The following RPS6KA2 variants were observed in gnomAD, a reference collection of about 807,000 sequenced individuals.
RPS6KA2 encodes ribosomal protein S6 kinase A2.
A neutral mutation model predicts 91.8 loss-of-function variants in RPS6KA2; 42 were observed. That is an observed-to-expected ratio of 0.46 (90% CI 0.36 to 0.59). RPS6KA2 has a LOEUF of 0.59. Ranked by LOEUF, RPS6KA2 falls within the 20% of genes least tolerant of loss-of-function variation. The probability of loss-of-function intolerance (pLI) is 0.00; values close to 1 mark genes in which losing one functional copy is unlikely to be tolerated. For synonymous variants in RPS6KA2, 414 were observed against 393.6 expected, an observed-to-expected ratio of 1.05 and a Z score of -0.61; for missense variants, 798 against 978.5, an observed-to-expected ratio of 0.82 and a Z score of 2.46.
chr6:166,655,290 C>T (rs1417202039), intron 2 of RPS6KA2, among the ~76,000 whole-genome samples: 1 of 152,212 alleles, frequency 6.6e-6, no homozygotes. Context: ...ACATGCCCTA[C>T]AGGAAGAAAA....
At chr6:166,592,470 T>G (rs1382907014) in intron 1 of RPS6KA2, among the ~76,000 whole-genome samples, 3 of 152,182 alleles carry the variant, frequency 2.0e-5, no homozygotes, top group Non-Finnish European at 4.4e-5. Context: ...ACTTACTAGT[T>G]ATTCTTATAA....
intron 2 of RPS6KA2, among the ~76,000 whole-genome samples, chr6:166,685,087 G>A (rs1020892685): frequency 6.6e-6 from 1 of 152,330 alleles, no homozygotes; most frequent in Non-Finnish European, 1.5e-5. Context: ...CCCCAACCTC[G>A]AAGTCCCCAT....
chr6:166,413,884 C>T lies in RPS6KA2; in HGVS notation c.1986G>A (p.Thr662=), dbSNP rs140979491. Residue 662 remains threonine, a synonymous_variant, in exon 20 of 21, where the codon ACG becomes ACA. Transcript: ENST00000265678. ...MLHVDPHQRL[T]AMQVLKHPWV... is the part of the protein sequence containing the mutation. Reference sequence around the variant, plus strand: ...ACGGGTGTTTGAGCACTTGCATCGCCGTCAGGCGCTGATGAGGGTCCACGT... The same window carrying T: ...ACGGGTGTTTGAGCACTTGCATCGCTGTCAGGCGCTGATGAGGGTCCACGT... The T allele has an allele frequency of 8.1e-6, 13 of 1,614,018 alleles. No homozygotes were observed. The highest frequency in any genetic ancestry group is 3.3e-5 in the Admixed American group (2 of 60,012).
Position 166,448,522 on chromosome 6 carries a change from G to C in RPS6KA2, c.1332+202C>G. On this transcript the variant is annotated intron_variant, in intron 14 of 20. Transcript: ENST00000265678. The surrounding 1 kb of genome is among the most constrained non-coding windows in gnomAD (Gnocchi z 4.7). ...TGTTCACTCAGGCTCAGGTGTCCCT[G>C]CTGGAGTCACTGCACAGCTGAGCAC... Among the ~76,000 whole-genome samples, 1 of 152,242 alleles carries C rather than the reference G, an allele frequency of 6.6e-6. No homozygotes were observed.
At chr6:166,760,952 A>G (rs938939045) in intron 2 of RPS6KA2, among the ~76,000 whole-genome samples, 3 of 152,242 alleles carry the variant, frequency 2.0e-5, no homozygotes, top group African/African-American at 7.2e-5. Flanking sequence ...AATGGTGGTC[A>G]TGTGAGAGCT....
intron 1 of RPS6KA2, among the ~76,000 whole-genome samples, chr6:166,609,658 C>G (rs1786094522): frequency 6.6e-6 from 1 of 152,036 alleles, no homozygotes; most frequent in Admixed American, 6.6e-5. Context: ...TGCCACCACT[C>G]CCAGCTAATT....
intron 2 of RPS6KA2, among the ~76,000 whole-genome samples, chr6:166,853,581 C>T (rs998922000): frequency 8.6e-5 from 13 of 151,828 alleles, no homozygotes; most frequent in Admixed American, 5.9e-4. Flanking sequence ...GGAGGCTGGC[C>T]GAGCGCAGCC....
intron 1 of RPS6KA2, among the ~76,000 whole-genome samples, chr6:166,860,457 T>C (rs575398156): frequency 6.6e-6 from 1 of 152,356 alleles, no homozygotes; most frequent in African/African-American, 2.4e-5. Context: ...TGGCATGGTT[T>C]TCAAATCATG....
At chr6:166,700,999 A>T (rs550720396) in intron 2 of RPS6KA2, 1 of 961,398 alleles carries the variant, frequency 1.0e-6, no homozygotes, top group Non-Finnish European at 1.7e-6. Context: ...AAACTTGTGC[A>T]TGTGATTCTG....
At chr6:166,758,223 A>G (rs1462885017) in intron 2 of RPS6KA2, among the ~76,000 whole-genome samples, 1 of 152,198 alleles carries the variant, frequency 6.6e-6, no homozygotes, top group East Asian at 1.9e-4. Context: ...GGGTCAGTGA[A>G]TGCACACCAA....
At chr6:166,824,225 T>C (rs1779977445) in intron 2 of RPS6KA2, among the ~76,000 whole-genome samples, 1 of 152,068 alleles carries the variant, frequency 6.6e-6, no homozygotes, top group Non-Finnish European at 1.5e-5. Flanking sequence ...AGCAAATGAA[T>C]GAATGAAGGG....
Position 166,737,140 on chromosome 6 carries a change from C to T in RPS6KA2, c.123+121060G>A, listed in dbSNP as rs1790691625. ...AACGAGGTCCTTGATTTTCAATTTC[C>T]TGCAATCCTGGCTAAGAGACACAAT... On this transcript the variant is annotated intron_variant, in intron 2 of 21. Coordinates refer to the RPS6KA2 transcript ENST00000503859. This position sits in a 1 kb window ranked among gnomAD's most constrained non-coding sequence, Gnocchi z 4.3. 6.6e-6 allele frequency among the ~76,000 whole-genome samples: 1 copy of T among 152,180 alleles called. No homozygotes were observed. Among genetic ancestry groups the T allele is most frequent in the Non-Finnish European group, 1.5e-5 (1 of 68,032 alleles).
chr6:166,599,572 C>T (rs973786961), intron 1 of RPS6KA2, among the ~76,000 whole-genome samples: 2 of 152,136 alleles, frequency 1.3e-5, no homozygotes, highest in African/African-American at 2.4e-5. Flanking sequence ...CTTCATGACA[C>T]GGGGAAGACA....
At chr6:166,630,698 C>T (rs1212235470), upstream of RPS6KA2, among the ~76,000 whole-genome samples, 2 of 152,244 alleles carry the variant, frequency 1.3e-5, no homozygotes, top group Non-Finnish European at 2.9e-5. Flanking sequence ...GTGTGTGCCC[C>T]TGTGAACTAC....
intron 14 of RPS6KA2, among the ~76,000 whole-genome samples, chr6:166,439,593 GGCCGT>G (rs1779455149): frequency 6.6e-6 from 1 of 152,164 alleles, no homozygotes; most frequent in Non-Finnish European, 1.5e-5. Flanking sequence ...GCCCTCACAG[GGCCGT>G]GCACACAGAC....
chr6:166,505,559 C>T (rs1782179137), intron 5 of RPS6KA2, among the ~76,000 whole-genome samples: 3 of 152,210 alleles, frequency 2.0e-5, no homozygotes, highest in African/African-American at 4.8e-5. Context: ...GGTAAGCAGA[C>T]GTGAAAAATC....
In RPS6KA2 at chr6:166,825,428, C is replaced by T. The variant is rs1354359126; in HGVS notation, c.123+32772G>A. Among the ~76,000 whole-genome samples the T allele has an allele frequency of 6.6e-6, 1 of 152,214 alleles. No individual in the cohort carries two copies. The highest frequency in any genetic ancestry group is 6.5e-5 in the Admixed American group (1 of 15,284). On this transcript the variant is annotated intron_variant, in intron 2 of 21. Transcript: ENST00000503859. The surrounding 1 kb of genome is among the most constrained non-coding windows in gnomAD (Gnocchi z 4.1). The stretch of plus-strand genomic sequence containing the variant: ...GAAATGGAGTTTAGGTGGAATACAG[C>T]AGAGAGGGACCCCTGGGCAGGCCTG...
chr6:166,527,485 C>T (rs1336600382), intron 3 of RPS6KA2, among the ~76,000 whole-genome samples: 1 of 152,024 alleles, frequency 6.6e-6, no homozygotes, highest in Admixed American at 6.6e-5. Flanking sequence ...CTCAATGCCT[C>T]GAGGATGAAA....
chr6:166,831,840 G>A (rs114711807), intron 2 of RPS6KA2, among the ~76,000 whole-genome samples: 2,437 of 150,318 alleles, frequency 0.016, 79 homozygotes, highest in African/African-American at 0.057. Context: ...ACATACATAG[G>A]TAATAGATAT....
Sources: allele counts gnomAD v4.1 joint callset (sites outside exome capture counted in the v4.1 genomes callset), GRCh38; gene constraint gnomAD v4.1.1; non-coding constraint Gnocchi (gnomAD v3.1); transcripts MANE v1.5; gene names NCBI Gene and HGNC (gene_info 2026-07-23, HGNC 2026-07-21).